CES4A: variants seen among roughly 807,000 people sequenced by gnomAD.
CES4A encodes the protein carboxylesterase 6.
CES4A carries 48 observed loss-of-function variants against 65.4 expected under a neutral mutation model. That is an observed-to-expected ratio of 0.73 (90% CI 0.58 to 0.93). CES4A has a LOEUF of 0.93. CES4A is among the 40% of genes least tolerant of loss of function. The probability of loss-of-function intolerance (pLI) is 0.00; values close to 1 mark genes in which losing one functional copy is unlikely to be tolerated. For synonymous variants in CES4A, 247 were observed against 281.8 expected, an observed-to-expected ratio of 0.88 and a Z score of 1.24; for missense variants, 685 against 728.5, an observed-to-expected ratio of 0.94 and a Z score of 0.69.
In CES4A at chr16:67,003,080, C is replaced by T; in HGVS notation, c.701C>T (p.Pro234Leu). The T allele has an allele frequency of 1.2e-6, 2 of 1,613,986 alleles. No homozygotes were observed. The highest frequency in any genetic ancestry group is 1.7e-5 in the Admixed American group (1 of 60,014). The stretch of plus-strand genomic sequence containing the variant: ...TCCCTGTTCTTGCAGATGATGTCAC[C>T]CCTAGCCTCGGGTCTCTTCCATCGG... The change falls in exon 6 of 14, where the codon CCC becomes CTC. Residue 234 changes from proline to leucine, a missense_variant. Transcript: ENST00000648724. The surrounding 1 kb of genome is among the most constrained non-coding windows in gnomAD (Gnocchi z 4.2).
chr16:67,005,449 T>C (rs902388360), intron 11 of CES4A, 56 bp downstream of exon 11: 2 of 1,562,872 alleles, frequency 1.3e-6, no homozygotes, highest in South Asian at 1.1e-5. Context: ...CCAGGTGTGC[T>C]GTTTACCAAC....
rs546877244 is a variant in CES4A at position 67,000,328 on chromosome 16, G to A, written c.261-310G>A. ...CAGAAGGGAGACTGAGGGGAGGGTG[G>A]GGCATGAAAGACAGGGAGGTGCCCA... On this transcript the variant is annotated intron_variant, in intron 2 of 13. Coordinates refer to ENST00000648724, the Ensembl canonical transcript of CES4A. The surrounding 1 kb of genome is among the most constrained non-coding windows in gnomAD (Gnocchi z 4.2). Among the ~76,000 whole-genome samples, 12 of 151,998 alleles carry A rather than the reference G, an allele frequency of 7.9e-5. No homozygotes were observed. The highest frequency in any genetic ancestry group is 1.2e-4 in the Non-Finnish European group (8 of 67,986).
downstream of CES4A, among the ~76,000 whole-genome samples, chr16:67,010,134 CA>C: frequency 6.7e-6 from 1 of 148,674 alleles, no homozygotes; most frequent in East Asian, 2.0e-4. Flanking sequence ...GATGAAATCT[CA>C]GCTCACTGCA....
At chr16:67,004,315 C>T in intron 9 of CES4A, 91 bp downstream of exon 9, 1 of 1,450,906 alleles carries the variant, frequency 6.9e-7, no homozygotes. Context: ...CGGTGCTGGG[C>T]ACCAGGTCAG....
chr16:66,992,026 C>G (rs976612427), intron 1 of CES4A, among the ~76,000 whole-genome samples: 1 of 152,158 alleles, frequency 6.6e-6, no homozygotes, highest in Non-Finnish European at 1.5e-5. Context: ...ATAATGAAGG[C>G]CCAGTAAATT....
intron 1 of CES4A, among the ~76,000 whole-genome samples, chr16:66,994,184 G>A (rs193265649): frequency 5.2e-4 from 79 of 151,188 alleles, no homozygotes; most frequent in Admixed American, 1.3e-3. Flanking sequence ...ATTAAATGAC[G>A]CAGAGAAATA....
chr16:66,994,817 CAAA>C (rs1964694307), intron 1 of CES4A, among the ~76,000 whole-genome samples: 3 of 133,904 alleles, frequency 2.2e-5, no homozygotes, highest in African/African-American at 6.4e-5. Flanking sequence ...CCAGCCTGGG[CAAA>C]AACAGCGAAA....
In CES4A at chr16:67,003,185, C is replaced by G; in HGVS notation, c.795+11C>G. The stretch of plus-strand genomic sequence containing the variant: ...CTGAAAGTGGCCAAGGTGAGTGCCT[C>G]TCCTTCCCCAGGGCTCAGCATGGAA... On this transcript the variant is annotated intron_variant, in intron 6 of 13. Transcript: ENST00000648724. This position sits in a 1 kb window ranked among gnomAD's most constrained non-coding sequence, Gnocchi z 4.2. 6.2e-7 allele frequency: 1 copy of G among 1,612,666 alleles called. No homozygotes were observed.
chr16:67,008,765 A>C (rs1015908284), intron 13 of CES4A: 5 of 539,928 alleles, frequency 9.3e-6, no homozygotes, highest in African/African-American at 7.6e-5. Flanking sequence ...GGTCTTTTAT[A>C]TCTCTCAACC....
At chr16:66,995,677 G>A (rs1964785622) in exon 2 of CES4A, 2 of 1,614,214 alleles carry the variant, frequency 1.2e-6, no homozygotes, top group Non-Finnish European at 1.7e-6. Flanking sequence ...ATGGAACCCT[G>A]CAAGGAAAAC....
At position 67,001,589 on chromosome 16, in the gene CES4A, CGCCCCTGCCAAGGGTACA is replaced by C; in HGVS notation, c.690+135_690+152del. On this transcript the variant is annotated intron_variant, in intron 5 of 13. Coordinates refer to ENST00000648724, the Ensembl canonical transcript of CES4A. This position sits in a 1 kb window ranked among gnomAD's most constrained non-coding sequence, Gnocchi z 4.1. ...AACGTGCCTGCCACAGAAATGCTCT[CGCCCCTGCCAAGGGTACA>C]GCCCCTCATAGCCAAGGATGTCTCC... 2 of 1,141,082 alleles carry C rather than the reference CGCCCCTGCCAAGGGTACA, an allele frequency of 1.8e-6. No individual in the cohort carries two copies. The highest frequency in any genetic ancestry group is 2.4e-6 in the Non-Finnish European group (2 of 821,232). 70.7% of individuals were successfully genotyped at this position (1,141,082 alleles called of 1,614,324 possible).
intron 10 of CES4A, 146 bp from the exon 11 acceptor site, chr16:67,005,094 G>A (rs866120605): frequency 1.1e-6 from 1 of 879,702 alleles, no homozygotes; most frequent in Non-Finnish European, 1.8e-6. Flanking sequence ...AATCAGCAGA[G>A]ACAGAAACTT....
chr16:67,004,977 A>G (rs1226543676), intron 10 of CES4A, 104 bp downstream of exon 10: 7 of 963,142 alleles, frequency 7.3e-6, no homozygotes, highest in Non-Finnish European at 1.1e-5. Flanking sequence ...CAGCCAGGGT[A>G]AGGATCTTTC....
chr16:67,006,371 C>T lies in CES4A; in HGVS notation c.1316-20C>T. 1 of 1,536,484 alleles carries T rather than the reference C, an allele frequency of 6.5e-7. No individual in the cohort carries two copies. Among genetic ancestry groups the T allele is most frequent in the Non-Finnish European group, 8.7e-7 (1 of 1,146,966 alleles). On this transcript the variant is annotated intron_variant, in intron 11 of 13. Transcript: ENST00000648724. The stretch of plus-strand genomic sequence containing the variant: ...GGCAGAGGCTTTTCCTGCATCCCTC[C>T]TCAGTTTCCCTATTCACAGATGCCG...
rs1168566376 is a variant in CES4A, at chr16:67,006,490, A to C, written c.1415A>C (p.Tyr472Ser). 8.5e-6 allele frequency: 13 copies of C among 1,536,814 alleles called. No homozygotes were observed. In the South Asian group the frequency reaches 1.4e-4, roughly 17 times the overall value. The stretch of plus-strand genomic sequence containing the variant: ...GGGGCAGACCATGGGGATGAGATGT[A>C]CTTCCTCTTTGGGGGCCCCTTCGCC... Residue 472 changes from tyrosine to serine, a missense_variant, in exon 12 of 14, where the codon TAC becomes TCC. Transcript: ENST00000648724.
chr16:67,003,358 A>G lies in CES4A; in HGVS notation c.898A>G (p.Met300Val), dbSNP rs767131531. The G allele has an allele frequency of 6.2e-6, 10 of 1,613,588 alleles. No homozygotes were observed. Among genetic ancestry groups the G allele is most frequent in the Non-Finnish European group, 8.5e-6 (10 of 1,179,712 alleles). ...CAAGGTGATGCGTGTGTCCAACAAG[A>G]TGGTAGGTAGAACATTCCAGCTGCC... The change falls in exon 7 of 14, where the codon ATG becomes GTG. Residue 300 changes from methionine to valine, a missense_variant and splice_region_variant. Coordinates refer to ENST00000648724, the Ensembl canonical transcript of CES4A. This position sits in a 1 kb window ranked among gnomAD's most constrained non-coding sequence, Gnocchi z 4.2.
In CES4A at chr16:67,000,398, T is replaced by C. The variant is rs976069794; in HGVS notation, c.261-240T>C. The C allele has an allele frequency of 1.3e-5, 11 of 867,642 alleles. No homozygotes were observed. The African/African-American group carries it at 2.0e-4, about 16-fold the overall frequency. 53.7% of individuals were successfully genotyped at this position (867,642 alleles called of 1,614,324 possible). The stretch of plus-strand genomic sequence containing the variant: ...TTGACAGCACCAACAGGAGCAGGAA[T>C]CTCTCCACGGACTGAGGCGCCGGGC... On this transcript the variant is annotated intron_variant, in intron 2 of 13. Transcript: ENST00000648724. This position sits in a 1 kb window ranked among gnomAD's most constrained non-coding sequence, Gnocchi z 4.2.
At chr16:66,996,182 A>G (rs768443177) in intron 2 of CES4A, 1 of 403,266 alleles carries the variant, frequency 2.5e-6, no homozygotes, top group South Asian at 2.0e-5. Flanking sequence ...GGCTACAGGT[A>G]CGTGCCACCA....
chr16:66,997,599 C>G (rs1021615292), intron 2 of CES4A, among the ~76,000 whole-genome samples: 1 of 152,046 alleles, frequency 6.6e-6, no homozygotes, highest in African/African-American at 2.4e-5. Context: ...TAGTTTTTGG[C>G]CACAGTAGAC....
Sources: allele counts gnomAD v4.1 joint callset (sites outside exome capture counted in the v4.1 genomes callset), GRCh38; gene constraint gnomAD v4.1.1; non-coding constraint Gnocchi (gnomAD v3.1); transcripts MANE v1.5; gene names NCBI Gene and HGNC (gene_info 2026-07-23, HGNC 2026-07-21).